KIF11: variants seen among roughly 807,000 people sequenced by gnomAD.
The protein encoded by KIF11 is kinesin family member 11, also known as kinesin-like protein KIF11.
In KIF11, 9 loss-of-function variants were observed where a neutral mutation model predicts 121.0. That is an observed-to-expected ratio of 0.07 (90% CI 0.04 to 0.13). The LOEUF is 0.13. Among genes scored for constraint, KIF11 ranks in the 10% least tolerant of loss-of-function variants. The pLI, the probability that KIF11 is intolerant of heterozygous loss-of-function variation, is 1.00. For synonymous variants in KIF11, 408 were observed against 421.0 expected (o/e 0.97, Z 0.38); for missense variants, 846 against 1,217.5 (o/e 0.69, Z 4.54).
chr10:92,649,950 A>G lies in KIF11; in HGVS notation c.2886A>G (p.Leu962=). Residue 962 remains leucine, a synonymous_variant, in exon 20 of 22, where the codon CTA becomes CTG. Coordinates refer to ENST00000260731, the MANE Select transcript of KIF11 (RefSeq NM_004523.4). Reference sequence around the variant, plus strand: ...AACAGCCTGAGCTGTTAATGATGCTAAACTGTTCAGAAAACAACAAAGAAG... The same window carrying G: ...AACAGCCTGAGCTGTTAATGATGCTGAACTGTTCAGAAAACAACAAAGAAG... ...KRKQPELLMM[L]NCSENNKEET... The G allele has an allele frequency of 6.2e-7, 1 of 1,613,006 alleles. No homozygotes were observed.
chr10:92,653,285 T>G (rs1209216359), intron 21 of KIF11, among the ~76,000 whole-genome samples: 2 of 152,156 alleles, frequency 1.3e-5, no homozygotes, highest in African/African-American at 2.4e-5. Flanking sequence ...GTGTACTATG[T>G]GAATACTCAC....
chr10:92,603,753 G>A (rs1844400996), intron 1 of KIF11, among the ~76,000 whole-genome samples: 2 of 152,112 alleles, frequency 1.3e-5, no homozygotes, highest in South Asian at 4.1e-4. Context: ...TTCCCAAAGT[G>A]CTGAGATTAC....
In KIF11 at chr10:92,650,498, G is replaced by A. The variant is rs750667147; in HGVS notation, c.3020G>A (p.Gly1007Asp). The stretch of plus-strand genomic sequence containing the variant: ...GCTGGTGTGGATTGTTCATCAATTG[G>A]CGGGGTTCCATTTTTCCAGGTATGT... Reference protein sequence around the residue: ...VDAGVDCSSIGGVPFFQHKKS... With the variant: ...VDAGVDCSSIDGVPFFQHKKS... The change falls in exon 21 of 22, where the codon GGC (glycine) becomes GAC (aspartate). Residue 1007 changes from glycine (G) to aspartate (D), a missense_variant. By Grantham distance (94) the Gly-to-Asp change is moderately conservative (BLOSUM62 -1). This residue lies in a region of KIF11 where 492 missense variants were observed against 603.4 expected (regional missense o/e 0.82). Transcript: ENST00000260731. The A allele has an allele frequency of 1.9e-6, 3 of 1,609,554 alleles. No homozygotes were observed. In the African/African-American group the frequency reaches 4.0e-5, roughly 22 times the overall value.
chr10:92,601,708 A>ATTT (rs35982149), intron 1 of KIF11, among the ~76,000 whole-genome samples: 107 of 142,050 alleles, frequency 7.5e-4, no homozygotes, highest in Non-Finnish European at 1.5e-3. Context: ...TAAAAAAATA[A>ATTT]TTTTTTTTTT....
intron 14 of KIF11, among the ~76,000 whole-genome samples, chr10:92,634,589 T>G (rs1201197248): frequency 6.6e-6 from 1 of 152,204 alleles, no homozygotes; most frequent in Non-Finnish European, 1.5e-5. Flanking sequence ...TACGTTTATA[T>G]TTTTAAAGAC....
chr10:92,640,373 T>A (rs377746756), intron 17 of KIF11, among the ~76,000 whole-genome samples: 4 of 152,222 alleles, frequency 2.6e-5, no homozygotes, highest in African/African-American at 9.6e-5. Context: ...CCTAAAATAT[T>A]TGCTATCTGG....
rs143178718 is a variant in KIF11 at position 92,652,560 on chromosome 10, T to C, written c.3040-1105T>C. 4.8e-3 allele frequency among the ~76,000 whole-genome samples: 736 copies of C among 152,324 alleles called. 6 individuals carry two copies. The highest frequency in any genetic ancestry group is 0.017 in the African/African-American group (696 of 41,564). ...TCTCATAAATTCCTCCCTGTCTTCCTCTGGGCAATTTTATTCCCAAATTCT... is the reference window on the plus strand; with the variant it reads ...TCTCATAAATTCCTCCCTGTCTTCCCCTGGGCAATTTTATTCCCAAATTCT... On this transcript the variant is annotated intron_variant, in intron 21 of 21. Coordinates refer to ENST00000260731, the MANE Select transcript of KIF11 (RefSeq NM_004523.4).
chr10:92,630,408 G>T, intron 12 of KIF11, 44 bp downstream of exon 12: 1 of 1,265,536 alleles, frequency 7.9e-7, no homozygotes, highest in South Asian at 2.1e-5. Context: ...AGTAGAGAAT[G>T]GGTAGAAAAA....
chr10:92,600,534 ACT>A (rs1311476472), intron 1 of KIF11, among the ~76,000 whole-genome samples: 1 of 151,184 alleles, frequency 6.6e-6, no homozygotes, highest in African/African-American at 2.4e-5. Flanking sequence ...TTTGAGACAG[ACT>A]CTCGCTCTGT....
At chr10:92,646,208 T>C (rs1589607243) in intron 18 of KIF11, among the ~76,000 whole-genome samples, 1 of 152,262 alleles carries the variant, frequency 6.6e-6, no homozygotes, top group South Asian at 2.1e-4. Flanking sequence ...CGCCTCGGCC[T>C]CCCAAAGTGC....
chr10:92,613,201 G>C lies in KIF11; in HGVS notation c.789+71G>C. The C allele has an allele frequency of 7.7e-7, 1 of 1,300,662 alleles. No homozygotes were observed. The highest frequency in any genetic ancestry group is 1.1e-6 in the Non-Finnish European group (1 of 933,320). The allele number at this position is 1,300,662 out of a possible 1,614,324, so 80.6% of individuals were successfully genotyped here. On this transcript the variant is annotated intron_variant, in intron 7 of 21. Transcript: ENST00000260731. This position sits in a 1 kb window ranked among gnomAD's most constrained non-coding sequence, Gnocchi z 4.2. ...TAGAGCAGCTTGAAATTTTGTCCTTGAGACAAAATTTTTGTGGTCACTGGG... is the reference window on the plus strand; with the variant it reads ...TAGAGCAGCTTGAAATTTTGTCCTTCAGACAAAATTTTTGTGGTCACTGGG...
intron 1 of KIF11, among the ~76,000 whole-genome samples, chr10:92,598,841 A>C (rs1186248902): frequency 6.6e-6 from 1 of 152,060 alleles, no homozygotes; most frequent in Non-Finnish European, 1.5e-5. Context: ...GCAGTGGCAC[A>C]ATCTTAGCTC....
At chr10:92,595,767 G>A (rs11817798) in intron 1 of KIF11, among the ~76,000 whole-genome samples, 22,673 of 151,940 alleles carry the variant, frequency 0.15, 3,599 homozygotes, top group African/African-American at 0.4. Context: ...CCTACCATTC[G>A]ACTGTCTTAT....
At chr10:92,652,954 A>G (rs1419742997) in intron 21 of KIF11, among the ~76,000 whole-genome samples, 2 of 152,228 alleles carry the variant, frequency 1.3e-5, no homozygotes, top group Non-Finnish European at 1.5e-5. Flanking sequence ...CTGAGTGTAC[A>G]ATGAATGTCA....
rs549735633 is a variant in KIF11, at chr10:92,608,150, T to A, written c.388-870T>A. On this transcript the variant is annotated intron_variant, in intron 4 of 21. Coordinates refer to ENST00000260731, the MANE Select transcript of KIF11 (RefSeq NM_004523.4). The stretch of plus-strand genomic sequence containing the variant: ...TTTTTTTAATTTTTTTTTTTTTTTT[T>A]AAATTTTAAAGTGATGGGGTCCCAC... Among the ~76,000 whole-genome samples the A allele has an allele frequency of 3.8e-3, 564 of 148,298 alleles. 5 individuals carry two copies. The highest frequency in any genetic ancestry group is 0.013 in the African/African-American group (521 of 40,490).
At chr10:92,612,025 C>T (rs1379330173) in intron 6 of KIF11, among the ~76,000 whole-genome samples, 2 of 152,052 alleles carry the variant, frequency 1.3e-5, no homozygotes, top group African/African-American at 4.8e-5. Flanking sequence ...CACCAAATGC[C>T]ATTGGATACA....
Position 92,605,324 on chromosome 10 carries a change from T to C in KIF11, c.78-941T>C, listed in dbSNP as rs577736689. ...ACTGAGTGAGCACAATGCAAAGCAC[T>C]TGAAACAATAAGTACCTGGCACATA... On this transcript the variant is annotated intron_variant, in intron 1 of 21. Coordinates refer to ENST00000260731, the MANE Select transcript of KIF11 (RefSeq NM_004523.4). 4.6e-5 allele frequency among the ~76,000 whole-genome samples: 7 copies of C among 152,292 alleles called. No individual in the cohort carries two copies. In the South Asian group the frequency reaches 6.2e-4, roughly 14 times the overall value.
rs777443420 is a variant in KIF11 at position 92,655,267 on chromosome 10, G to T, written c.*1471G>T. On this transcript the variant is annotated 3_prime_UTR_variant, in exon 22 of 22. Coordinates refer to ENST00000260731, the MANE Select transcript of KIF11 (RefSeq NM_004523.4). ...TACTTCAAGAAACTAAATTGATCTC[G>T]TAGAATTATCTTAATAAAATAATGG... The T allele has an allele frequency of 6.6e-6, 1 of 152,120 alleles. No homozygotes were observed. The highest frequency in any genetic ancestry group is 1.5e-5 in the Non-Finnish European group (1 of 68,020). 9.4% of individuals were successfully genotyped at this position (152,120 alleles called of 1,614,324 possible). A position where few individuals can be genotyped will look rare whatever the true frequency, so the allele number is the denominator to read the frequency against.
chr10:92,596,247 C>T (rs1564701056), intron 1 of KIF11, among the ~76,000 whole-genome samples: 1 of 152,222 alleles, frequency 6.6e-6, no homozygotes. Context: ...TTGTGATCTG[C>T]CCGCCTTGGC....
Sources: allele counts gnomAD v4.1 joint callset (sites outside exome capture counted in the v4.1 genomes callset), GRCh38; gene constraint gnomAD v4.1.1; regional missense constraint gnomAD v4.1.1; non-coding constraint Gnocchi (gnomAD v3.1); transcripts MANE v1.5; gene names NCBI Gene and HGNC (gene_info 2026-07-23, HGNC 2026-07-21).